Variants in SPATA31H1 observed in about 807,000 individuals in gnomAD.
The protein encoded by SPATA31H1 is SPATA31 subfamily H member 1, also known as spermatogenesis-associated protein 31H1.
the SPATA31H1 span, among the ~76,000 whole-genome samples, chr2:27,563,575 T>TG: frequency 6.6e-6 from 1 of 151,264 alleles, no homozygotes; most frequent in Middle Eastern, 3.4e-3. Context: ...TTTTTTTTTT[T>TG]TTGAGACTGA....
At chr2:27,580,637 GA>G in the SPATA31H1 span, 1 of 1,614,198 alleles carries the variant, frequency 6.2e-7, no homozygotes, top group Non-Finnish European at 8.5e-7. Context: ...TGCTTTTTCA[GA>G]GCCTAAAGCG....
chr2:27,553,057 C>T, the SPATA31H1 span, among the ~76,000 whole-genome samples: 1 of 152,034 alleles, frequency 6.6e-6, no homozygotes. Context: ...ACTTCTAGAC[C>T]CACCGGAGTG....
chr2:27,577,915 TG>T, the SPATA31H1 span: 4 of 1,614,120 alleles, frequency 2.5e-6, no homozygotes, highest in Non-Finnish European at 3.4e-6. The surrounding 1 kb of genome is among the most constrained non-coding windows in gnomAD (Gnocchi z 4.5). Flanking sequence ...GAGGTATCAA[TG>T]GGGCTAACAA....
chr2:27,577,838 G>A, the SPATA31H1 span: 1 of 1,614,140 alleles, frequency 6.2e-7, no homozygotes, highest in East Asian at 2.2e-5. This position sits in a 1 kb window ranked among gnomAD's most constrained non-coding sequence, Gnocchi z 4.5. Context: ...TGCCCCTGAA[G>A]CAAACAAGTC....
chr2:27,576,563 T>G, the SPATA31H1 span: 24 of 1,546,666 alleles, frequency 1.6e-5, no homozygotes, highest in Middle Eastern at 5.2e-4. Context: ...GCTTTCAAGA[T>G]GTAAAACCTA....
chr2:27,577,332 A>G, the SPATA31H1 span: 1 of 1,614,070 alleles, frequency 6.2e-7, no homozygotes, highest in Non-Finnish European at 8.5e-7. The surrounding 1 kb of genome is among the most constrained non-coding windows in gnomAD (Gnocchi z 4.5). Flanking sequence ...GTTATATATG[A>G]AGCCACTGCA....
At chr2:27,568,144 T>A in the SPATA31H1 span, 1 of 398,946 alleles carries the variant, frequency 2.5e-6, no homozygotes, top group East Asian at 3.6e-5. Context: ...ATGGGGATGA[T>A]TAACAAATCA....
At chr2:27,549,860 T>C in the SPATA31H1 span, among the ~76,000 whole-genome samples, 1 of 151,906 alleles carries the variant, frequency 6.6e-6, no homozygotes, top group Non-Finnish European at 1.5e-5. Context: ...TCTCACTATA[T>C]TGCCCAGGCT....
At chr2:27,565,093 C>T in the SPATA31H1 span, among the ~76,000 whole-genome samples, 1 of 152,122 alleles carries the variant, frequency 6.6e-6, no homozygotes, top group Non-Finnish European at 1.5e-5. Flanking sequence ...AACTCCAGTA[C>T]AAATGCAACT....
chr2:27,570,526 T>C, the SPATA31H1 span: 2 of 398,822 alleles, frequency 5.0e-6, no homozygotes, highest in African/African-American at 2.1e-5. Flanking sequence ...TTAGCAAAGA[T>C]ATTTCCAGGA....
the SPATA31H1 span, chr2:27,567,420 T>C: frequency 6.4e-6 from 3 of 465,318 alleles, no homozygotes; most frequent in Middle Eastern, 1.1e-3. Context: ...CCAAACTCAG[T>C]TATCTATGCC....
chr2:27,537,498 T>C, the SPATA31H1 span: 1 of 717,442 alleles, frequency 1.4e-6, no homozygotes, highest in Non-Finnish European at 2.6e-6. Flanking sequence ...TTGTTTTTTT[T>C]ATTTGGCGGC....
At chr2:27,582,414 G>A in the SPATA31H1 span, 1 of 1,614,236 alleles carries the variant, frequency 6.2e-7, no homozygotes. Context: ...TTTCCCTGGA[G>A]AGAGGCCCAG....
chr2:27,576,083 T>C, the SPATA31H1 span: 1 of 399,978 alleles, frequency 2.5e-6, no homozygotes, highest in East Asian at 3.6e-5. Context: ...AGTATGTGAA[T>C]TCTTCTGAGT....
chr2:27,562,077 A>G, the SPATA31H1 span, among the ~76,000 whole-genome samples: 2 of 152,204 alleles, frequency 1.3e-5, no homozygotes, highest in South Asian at 2.1e-4. Context: ...GGCCATGTAT[A>G]CATAAGCTTG....
chr2:27,544,262 G>C, the SPATA31H1 span, among the ~76,000 whole-genome samples: 1 of 151,950 alleles, frequency 6.6e-6, no homozygotes, highest in Non-Finnish European at 1.5e-5. Context: ...ATAGGGTGAT[G>C]AGTTTTGATA....
chr2:27,582,272 C>A, the SPATA31H1 span: 63 of 1,613,780 alleles, frequency 3.9e-5, no homozygotes, highest in African/African-American at 7.9e-4. Flanking sequence ...CTGAGAGGAG[C>A]CATCGCAGTT....
At chr2:27,575,662 A>G in the SPATA31H1 span, 20 of 398,418 alleles carry the variant, frequency 5.0e-5, no homozygotes, top group Non-Finnish European at 8.0e-5. The surrounding 1 kb of genome is among the most constrained non-coding windows in gnomAD (Gnocchi z 4.1). Flanking sequence ...CCACCACATC[A>G]GTGTGTAAAT....
At chr2:27,556,663 C>T in the SPATA31H1 span, among the ~76,000 whole-genome samples, 1 of 143,448 alleles carries the variant, frequency 7.0e-6, no homozygotes, top group Non-Finnish European at 1.5e-5. Flanking sequence ...ATCTCGTCAT[C>T]TAATTTCTTG....
Sources: gnomAD v4.1 joint callset for allele counts (sites outside exome capture counted in the v4.1 genomes callset) on GRCh38, gnomAD v4.1.1 for gene constraint, Gnocchi (gnomAD v3.1) non-coding constraint, MANE v1.5 for transcripts, NCBI Gene and HGNC (gene_info 2026-07-23, HGNC 2026-07-21) for gene names.